CAPN13: variants seen among roughly 807,000 people sequenced by gnomAD.
The protein encoded by CAPN13 is calpain-13.
In CAPN13, 90 loss-of-function variants were observed where a neutral mutation model predicts 98.4. The observed-to-expected ratio is 0.92, with a 90% CI of 0.77 to 1.09. The LOEUF is 1.09. CAPN13 is among the 50% of genes least tolerant of loss of function. CAPN13 has a pLI of 0.00. For synonymous variants in CAPN13, 330 were observed against 305.5 expected (o/e 1.08, Z -0.84); for missense variants, 887 against 841.3 (o/e 1.05, Z -0.67).
chr2:30,795,483 CTTAAT>C (rs1674813282), intron 1 of CAPN13, among the ~76,000 whole-genome samples: 1 of 152,146 alleles, frequency 6.6e-6, no homozygotes, highest in African/African-American at 2.4e-5. Flanking sequence ...ACTCCTATGT[CTTAAT>C]TTGTTTCCCT....
chr2:30,758,099 C>T lies in CAPN13; in HGVS notation c.813G>A (p.Leu271=), dbSNP rs1396264521. 6.2e-7 allele frequency: 1 copy of T among 1,610,092 alleles called. No individual in the cohort carries two copies. The highest frequency in any genetic ancestry group is 1.7e-5 in the Admixed American group (1 of 59,536). Residue 271 remains leucine, a synonymous_variant, in exon 8 of 23, where the codon CTG becomes CTA. Transcript: ENST00000295055. ...YRRGWEEIIS[L]WNPWGWGEAE... is the part of the protein sequence containing the mutation. ...CCTCGCCCCAGCCCCAGGGGTTCCA[C>T]AGGGAGATAATTTCTTCCCAGCCCC...
chr2:30,757,894 G>A (rs946126595), intron 8 of CAPN13, among the ~76,000 whole-genome samples, 152 bp downstream of exon 8: 4 of 152,216 alleles, frequency 2.6e-5, no homozygotes, highest in African/African-American at 4.8e-5. Context: ...TCACAGGAGC[G>A]TGAGATGGAC....
chr2:30,746,125 C>T (rs1334787542), intron 11 of CAPN13, among the ~76,000 whole-genome samples: 3 of 152,016 alleles, frequency 2.0e-5, no homozygotes, highest in Admixed American at 2.0e-4. Flanking sequence ...TCTTGAACTC[C>T]CGACCTCAGG....
rs147449781 is a variant in CAPN13 at position 30,729,637 on chromosome 2, TTAAC to T, written c.*30+1089_*30+1092del. On this transcript the variant is annotated intron_variant, in intron 22 of 22. Coordinates refer to ENST00000295055, the MANE Select transcript of CAPN13 (RefSeq NM_144575.3). ...CTCAAGGAAATATGATTGGGTCAAA[TTAAC>T]TATGATCTCTGCAGTATTCATTTGC... 3.9e-5 allele frequency: 6 copies of T among 152,348 alleles called. No individual in the cohort carries two copies. In the East Asian group the frequency reaches 9.6e-4, roughly 24 times the overall value. 9.4% of individuals were successfully genotyped at this position (152,348 alleles called of 1,614,324 possible).
intron 11 of CAPN13, among the ~76,000 whole-genome samples, chr2:30,747,864 C>T (rs1008653283): frequency 1.5e-4 from 23 of 152,250 alleles, no homozygotes; most frequent in African/African-American, 5.5e-4. Context: ...CTGGGATCTC[C>T]AGGAAGCCTG....
rs149641406 is a variant in CAPN13 at position 30,790,773 on chromosome 2, G to A, written c.-32-3416C>T. On this transcript the variant is annotated intron_variant, in intron 1 of 22. Coordinates refer to ENST00000295055, the MANE Select transcript of CAPN13 (RefSeq NM_144575.3). ...TATAAATAACTCCCACATGCTTAGC[G>A]TTCCAATAATGGAACACTAGGCATA... Among the ~76,000 whole-genome samples, 711 of 152,286 alleles carry A rather than the reference G, an allele frequency of 4.7e-3. 6 individuals are homozygous for A. The highest frequency in any genetic ancestry group is 0.016 in the African/African-American group (666 of 41,564).
chr2:30,731,395 G>A lies in CAPN13; in HGVS notation c.1932C>T (p.Thr644=), dbSNP rs754789675. The part of the protein sequence containing the change: ...FLMRLEAMAK[T]FRNLSKDGKG... ...TTCCATCCTTAGAGAGGTTGCGGAA[G>A]GTCTCTAGGATAAAGAAGGGAAGGT... Residue 644 remains threonine (T), a synonymous_variant, in exon 21 of 23, where the codon ACC becomes ACT. Coordinates refer to ENST00000295055, the MANE Select transcript of CAPN13 (RefSeq NM_144575.3). 1.2e-6 allele frequency: 2 copies of A among 1,609,476 alleles called. No homozygotes were observed. Among genetic ancestry groups the A allele is most frequent in the East Asian group, 2.3e-5 (1 of 44,436 alleles).
Position 30,775,966 on chromosome 2 carries a change from G to C in CAPN13, c.351C>G (p.Ser117Arg), listed in dbSNP as rs1260399421. 1.2e-6 allele frequency: 2 copies of C among 1,612,566 alleles called. No homozygotes were observed. Among genetic ancestry groups the C allele is most frequent in the South Asian group, 1.1e-5 (1 of 90,680 alleles). Residue 117 changes from serine to arginine, a missense_variant, in exon 4 of 23, where the codon AGC (serine) becomes AGG (arginine). Physicochemically the swap from Ser to Arg is moderately radical, Grantham distance 110. Coordinates refer to ENST00000295055, the MANE Select transcript of CAPN13 (RefSeq NM_144575.3). ...AAATGCCAGCATACTGGTGTGAAAA[G>C]CTTTGGACCATCAGGATCTTCTGCC... is the stretch of plus-strand genomic sequence containing the variant. ...QYRQKILMVQ[S>R]FSHQYAGIFR...
intron 22 of CAPN13, among the ~76,000 whole-genome samples, chr2:30,724,705 C>T (rs1203027514): frequency 1.3e-5 from 2 of 152,200 alleles, no homozygotes; most frequent in South Asian, 2.1e-4. Flanking sequence ...TTTCACATCA[C>T]CAGAGGCACA....
chr2:30,763,886 TGTGTTG>T (rs1222027348), intron 6 of CAPN13, among the ~76,000 whole-genome samples: 21 of 152,340 alleles, frequency 1.4e-4, no homozygotes, highest in Admixed American at 9.8e-4. Context: ...TTATGAGCTG[TGTGTTG>T]GTGAGCACCT....
At chr2:30,723,588 A>G (rs1879277) in intron 22 of CAPN13, among the ~76,000 whole-genome samples, 5,907 of 152,244 alleles carry the variant, frequency 0.039, 203 homozygotes, top group East Asian at 0.14. Context: ...CAGGCAGGTT[A>G]GAAGGGCTGA....
chr2:30,792,128 T>C (rs1036966499), intron 1 of CAPN13, among the ~76,000 whole-genome samples: 2 of 152,078 alleles, frequency 1.3e-5, no homozygotes, highest in African/African-American at 2.4e-5. Flanking sequence ...GATAATATCA[T>C]AAGAGAATTA....
intron 22 of CAPN13, among the ~76,000 whole-genome samples, chr2:30,724,118 T>C (rs1670779991): frequency 6.6e-6 from 1 of 152,222 alleles, no homozygotes; most frequent in Non-Finnish European, 1.5e-5. Flanking sequence ...GTCTACATCT[T>C]CCCTCCTTCT....
intron 15 of CAPN13, chr2:30,741,352 A>T (rs1356840150): frequency 1.0e-6 from 1 of 981,174 alleles, no homozygotes; most frequent in Non-Finnish European, 1.2e-6. Flanking sequence ...ATCACTTTCC[A>T]CTTTCCACAC....
chr2:30,806,833 G>A (rs960445864), intron 1 of CAPN13, among the ~76,000 whole-genome samples: 1 of 152,136 alleles, frequency 6.6e-6, no homozygotes, highest in African/African-American at 2.4e-5. Flanking sequence ...TAACTAATAA[G>A]CTAGATGATT....
At chr2:30,737,030 G>C (rs1671401893) in intron 17 of CAPN13, 1 of 168,410 alleles carries the variant, frequency 5.9e-6, no homozygotes, top group Non-Finnish European at 1.3e-5. Context: ...GATGGGTTCA[G>C]TGATGACTAA....
Position 30,787,132 on chromosome 2 carries a change from G to A in CAPN13, c.194C>T (p.Pro65Leu), listed in dbSNP as rs377693321. 3 of 1,559,220 alleles carry A rather than the reference G, an allele frequency of 1.9e-6. No individual in the cohort carries two copies. The highest frequency in any genetic ancestry group is 1.7e-6 in the Non-Finnish European group (2 of 1,152,148). ...GCTCGTGTGGGGCTCACTCACCTGT[G>A]GCCGCTTCCATATCACATTGGAGAG... ...KRLSNVIWKRPQDLPGGPPHF... is the reference protein window; with the variant it reads ...KRLSNVIWKRLQDLPGGPPHF... The change falls in exon 2 of 23, where the codon CCA becomes CTA. Residue 65 changes from proline to leucine, a missense_variant. Coordinates refer to ENST00000295055, the MANE Select transcript of CAPN13 (RefSeq NM_144575.3).
At chr2:30,747,617 C>T (rs1671977139) in intron 11 of CAPN13, among the ~76,000 whole-genome samples, 1 of 152,220 alleles carries the variant, frequency 6.6e-6, no homozygotes, top group East Asian at 1.9e-4. Context: ...CAGAGCAGTG[C>T]TCCCACAGCA....
intron 1 of CAPN13, among the ~76,000 whole-genome samples, chr2:30,793,106 T>A (rs560944109): frequency 6.6e-6 from 1 of 151,968 alleles, no homozygotes; most frequent in East Asian, 1.9e-4. Context: ...AAGGCAAGAA[T>A]GCCCACTGTT....
Sources: gnomAD v4.1 joint callset for allele counts (sites outside exome capture counted in the v4.1 genomes callset) on GRCh38, gnomAD v4.1.1 for gene constraint, MANE v1.5 for transcripts, NCBI Gene and HGNC (gene_info 2026-07-23, HGNC 2026-07-21) for gene names.